The following LARP4B variants were observed in gnomAD, a reference collection of about 807,000 sequenced individuals.
LARP4B encodes the protein La ribonucleoprotein 4B.
In LARP4B, 12 loss-of-function variants were observed where a neutral mutation model predicts 89.8. That is an observed-to-expected ratio of 0.13 (90% confidence interval 0.09 to 0.22). The LOEUF is 0.22. Ranked by LOEUF, LARP4B falls within the 10% of genes least tolerant of loss-of-function variation. The pLI is 1.00. For missense variants in LARP4B, 757 were observed against 947.7 expected (o/e 0.80, Z 2.64); for synonymous variants, 367 against 363.3 (o/e 1.01, Z -0.12).
intron 1 of LARP4B, among the ~76,000 whole-genome samples, chr10:891,034 A>G (rs927565718): frequency 6.6e-6 from 1 of 152,192 alleles, no homozygotes; most frequent in Admixed American, 6.5e-5. Flanking sequence ...AGGGAAAAAT[A>G]AAAATCAACT....
chr10:942,734 A>C, the LARP4B span: 2 of 152,250 alleles, frequency 1.3e-5, no homozygotes, highest in South Asian at 4.1e-4. Flanking sequence ...AATATGGAAA[A>C]TTCTGATAAT....
intron 5 of LARP4B, among the ~76,000 whole-genome samples, chr10:852,077 G>A (rs1020956317): frequency 6.6e-6 from 1 of 151,786 alleles, no homozygotes; most frequent in African/African-American, 2.4e-5. Flanking sequence ...ACTAAACTAA[G>A]TAAGTTTAGT....
At chr10:953,949 C>G in the LARP4B span, among the ~76,000 whole-genome samples, 1 of 152,112 alleles carries the variant, frequency 6.6e-6, no homozygotes, top group Admixed American at 6.5e-5. Context: ...AGCCTGGAGG[C>G]GTTTGCTGAT....
chr10:833,363 G>A (rs528490718), intron 8 of LARP4B, among the ~76,000 whole-genome samples: 8 of 149,674 alleles, frequency 5.3e-5, no homozygotes, highest in African/African-American at 1.7e-4. Context: ...GCCGCCCACG[G>A]GCTGAAGAAG....
chr10:846,644 T>C (rs1447870092), intron 5 of LARP4B, among the ~76,000 whole-genome samples: 2 of 152,084 alleles, frequency 1.3e-5, no homozygotes, highest in African/African-American at 2.4e-5. Flanking sequence ...CTAAACGTAA[T>C]AGAAAATCAA....
intron 1 of LARP4B, among the ~76,000 whole-genome samples, chr10:918,403 C>G (rs1836884819): frequency 6.6e-6 from 1 of 152,122 alleles, no homozygotes; most frequent in African/African-American, 2.4e-5. Flanking sequence ...AAGGCCAAGG[C>G]AGGAGGATTG....
At chr10:858,752 A>C (rs965027920) in intron 5 of LARP4B, among the ~76,000 whole-genome samples, 3 of 152,220 alleles carry the variant, frequency 2.0e-5, no homozygotes, top group African/African-American at 7.2e-5. Flanking sequence ...TCCAAAGAAG[A>C]CAAATGGCCA....
At chr10:952,056 C>T in the LARP4B span, among the ~76,000 whole-genome samples, 2 of 151,722 alleles carry the variant, frequency 1.3e-5, no homozygotes, top group Admixed American at 6.6e-5. Context: ...AGGAAGAAAT[C>T]GGCCTGGTGC....
chr10:954,271 T>C, the LARP4B span, among the ~76,000 whole-genome samples: 3 of 152,178 alleles, frequency 2.0e-5, no homozygotes, highest in South Asian at 4.1e-4. The surrounding 1 kb of genome is among the most constrained non-coding windows in gnomAD (Gnocchi z 5.0). Context: ...TATGGTGGCC[T>C]GTGTCCACCA....
chr10:914,496 C>CA (rs540188912), intron 1 of LARP4B, among the ~76,000 whole-genome samples: 2,258 of 112,228 alleles, frequency 0.02, 38 homozygotes, highest in African/African-American at 0.056. Flanking sequence ...AAGACTCAGC[C>CA]AAAAAAAAAA....
downstream of LARP4B, chr10:807,382 G>C (rs141298885): frequency 1.3e-5 from 2 of 152,270 alleles, no homozygotes; most frequent in African/African-American, 4.8e-5. Flanking sequence ...CGGCTGCTCC[G>C]GCCGAGGAAA....
At chr10:908,207 C>T (rs766856530) in intron 1 of LARP4B, among the ~76,000 whole-genome samples, 32 of 152,044 alleles carry the variant, frequency 2.1e-4, no homozygotes, top group Non-Finnish European at 1.9e-4. Flanking sequence ...AGCAAGACTC[C>T]GACCCAACAA....
the LARP4B span, among the ~76,000 whole-genome samples, chr10:978,707 A>G: frequency 6.6e-6 from 1 of 152,230 alleles, no homozygotes; most frequent in Admixed American, 6.5e-5. Flanking sequence ...ATTATGTGTT[A>G]AAATGTAATA....
upstream of LARP4B, among the ~76,000 whole-genome samples, chr10:935,223 A>G (rs1830734748): frequency 6.6e-6 from 1 of 152,224 alleles, no homozygotes. Context: ...TTGACAGGTA[A>G]GTCCACAGTT....
At chr10:943,420 T>C in the LARP4B span, among the ~76,000 whole-genome samples, 1 of 151,828 alleles carries the variant, frequency 6.6e-6, no homozygotes, top group African/African-American at 2.4e-5. Flanking sequence ...GGGCCAGGGT[T>C]TTTTGTTGTG....
chr10:979,116 A>G, the LARP4B span, among the ~76,000 whole-genome samples: 151,078 of 152,312 alleles, frequency 0.99, 74,940 homozygotes, highest in Middle Eastern at 1. Context: ...CTTATTTATC[A>G]TTCTGGTACT....
At chr10:911,791 T>C (rs903601887) in intron 1 of LARP4B, among the ~76,000 whole-genome samples, 2 of 152,096 alleles carry the variant, frequency 1.3e-5, no homozygotes, top group African/African-American at 4.8e-5. Context: ...AATTTCGTGG[T>C]TTTCGGGGGC....
At chr10:858,128 A>G (rs1418635673) in intron 5 of LARP4B, among the ~76,000 whole-genome samples, 1 of 152,200 alleles carries the variant, frequency 6.6e-6, no homozygotes, top group Non-Finnish European at 1.5e-5. Flanking sequence ...TTGGTTAACA[A>G]TGAGGGCTCC....
intron 3 of LARP4B, among the ~76,000 whole-genome samples, chr10:869,708 G>A (rs965097504): frequency 2.6e-5 from 4 of 151,800 alleles, no homozygotes; most frequent in Non-Finnish European, 4.4e-5. Flanking sequence ...CCAACATGGC[G>A]AAATCCCATC....
Sources: allele counts gnomAD v4.1 joint callset (sites outside exome capture counted in the v4.1 genomes callset), GRCh38; gene constraint gnomAD v4.1.1; non-coding constraint Gnocchi (gnomAD v3.1); transcripts MANE v1.5; gene names NCBI Gene and HGNC (gene_info 2026-07-23, HGNC 2026-07-21).